The following NMRK1 variants were observed in gnomAD, a reference collection of about 807,000 sequenced individuals.
NMRK1 encodes the protein nicotinamide riboside kinase 1.
In NMRK1, 28 loss-of-function variants were observed where a neutral mutation model predicts 29.9. That is an observed-to-expected ratio of 0.94 (90% CI 0.69 to 1.28). The LOEUF (loss-of-function observed/expected upper bound fraction) is 1.28, where lower values mean the gene tolerates loss of function less well. NMRK1 is among the 50% of genes most tolerant of loss of function. The pLI, the probability that NMRK1 is intolerant of heterozygous loss-of-function variation, is 0.00. For missense variants in NMRK1, 218 were observed against 233.1 expected (o/e 0.94, Z 0.42); for synonymous variants, 58 against 73.0 (o/e 0.79, Z 1.05).
chr9:75,070,345 C>T (rs1390970536), intron 4 of NMRK1, among the ~76,000 whole-genome samples: 1 of 152,134 alleles, frequency 6.6e-6, no homozygotes, highest in African/African-American at 2.4e-5. Context: ...TTACTTATAA[C>T]TTCGATTCTC....
At chr9:75,073,345 C>T (rs969143812) in intron 4 of NMRK1, among the ~76,000 whole-genome samples, 2 of 152,198 alleles carry the variant, frequency 1.3e-5, no homozygotes, top group African/African-American at 4.8e-5. Context: ...GACTTCTGGC[C>T]TCTTGAATTG....
At chr9:75,077,908 C>T (rs1344742400) in intron 2 of NMRK1, among the ~76,000 whole-genome samples, 1 of 152,092 alleles carries the variant, frequency 6.6e-6, no homozygotes, top group Non-Finnish European at 1.5e-5. Context: ...AGTGCTTGGA[C>T]GTGAGCCACC....
At chr9:75,081,441 T>G (rs77684848) in intron 2 of NMRK1, among the ~76,000 whole-genome samples, 18,758 of 152,028 alleles carry the variant, frequency 0.12, 1,177 homozygotes, top group South Asian at 0.17. Flanking sequence ...AAGAAAAAAA[T>G]TAGAAATCAT....
At chr9:75,067,021 G>A (rs1823394232) in intron 7 of NMRK1, 181 bp from the exon 8 acceptor site, 2 of 469,860 alleles carry the variant, frequency 4.3e-6, no homozygotes, top group African/African-American at 4.1e-5. Context: ...GCTATAATAG[G>A]TCAAAAATAT....
intron 4 of NMRK1, among the ~76,000 whole-genome samples, chr9:75,073,413 A>G (rs1199642941): frequency 6.6e-6 from 1 of 152,178 alleles, no homozygotes; most frequent in East Asian, 1.9e-4. Flanking sequence ...ATGTTGCCCT[A>G]GCAAACTAAT....
chr9:75,070,090 T>C (rs1823614840), intron 4 of NMRK1, 48 bp from the exon 5 acceptor site: 3 of 1,539,152 alleles, frequency 1.9e-6, no homozygotes, highest in African/African-American at 2.8e-5. Flanking sequence ...CACAAAATTT[T>C]GTGATGTGAC....
intron 8 of NMRK1, 152 bp downstream of exon 8, chr9:75,066,605 G>A (rs1432255460): frequency 7.6e-6 from 5 of 661,146 alleles, no homozygotes; most frequent in East Asian, 5.5e-5. Context: ...CCCCCCCCCA[G>A]AATTTCTGAT....
intron 1 of NMRK1, among the ~76,000 whole-genome samples, chr9:75,086,786 C>T (rs77991285): frequency 0.094 from 14,370 of 152,214 alleles, 752 homozygotes; most frequent in South Asian, 0.17. Context: ...GTTTCCAGGA[C>T]TTCTTACTCT....
chr9:75,074,905 TG>T (rs1286650116), intron 4 of NMRK1, among the ~76,000 whole-genome samples: 3 of 152,246 alleles, frequency 2.0e-5, no homozygotes, highest in African/African-American at 4.8e-5. Context: ...TGATGTGAGA[TG>T]CTTGAAGTCA....
At chr9:75,069,250 C>T (rs1046909156) in intron 6 of NMRK1, 148 bp from the exon 7 acceptor site, 20 of 568,480 alleles carry the variant, frequency 3.5e-5, no homozygotes, top group Non-Finnish European at 6.0e-5. Flanking sequence ...AACTCAATGG[C>T]AGTTAGAACG....
chr9:75,065,259 C>A lies in NMRK1; in HGVS notation c.580+1498G>T, dbSNP rs2002989. On this transcript the variant is annotated intron_variant, in intron 8 of 8. Transcript: ENST00000361092. ...ATCTTAGCTCACTGCAATGTCTGCCCCCGGAGTTCAAGAGATTCCCCTGCC... is the reference window on the plus strand; with the variant it reads ...ATCTTAGCTCACTGCAATGTCTGCCACCGGAGTTCAAGAGATTCCCCTGCC... Among the ~76,000 whole-genome samples the A allele has an allele frequency of 2.6e-5, 4 of 152,054 alleles. No individual in the cohort carries two copies. The East Asian group carries it at 5.8e-4, about 22-fold the overall frequency.
chr9:75,072,952 G>A (rs1195358749), intron 4 of NMRK1, among the ~76,000 whole-genome samples: 1 of 152,168 alleles, frequency 6.6e-6, no homozygotes, highest in Non-Finnish European at 1.5e-5. Flanking sequence ...GTTCAAATCT[G>A]TTATATCATT....
intron 7 of NMRK1, 28 bp downstream of exon 7, chr9:75,068,968 C>T (rs756698333): frequency 1.3e-6 from 2 of 1,498,448 alleles, no homozygotes; most frequent in Non-Finnish European, 1.9e-6. Context: ...AGTAAAAGGC[C>T]TTGAACAGAA....
chr9:75,074,756 T>C (rs577101823), intron 4 of NMRK1, among the ~76,000 whole-genome samples: 562 of 152,368 alleles, frequency 3.7e-3, no homozygotes, highest in Non-Finnish European at 5.7e-3. Context: ...TGAAAATGAA[T>C]TATTTCCTCT....
chr9:75,074,040 T>A (rs986062147), intron 4 of NMRK1, among the ~76,000 whole-genome samples: 1 of 152,124 alleles, frequency 6.6e-6, no homozygotes, highest in African/African-American at 2.4e-5. Context: ...TATTTCTATG[T>A]CCTTATACAT....
chr9:75,079,514 C>A (rs1217064545), intron 2 of NMRK1, among the ~76,000 whole-genome samples: 1 of 152,206 alleles, frequency 6.6e-6, no homozygotes, highest in Non-Finnish European at 1.5e-5. Context: ...TCCTTTCTCA[C>A]TGACTTAGCT....
intron 4 of NMRK1, among the ~76,000 whole-genome samples, chr9:75,074,573 G>C (rs1823886003): frequency 2.6e-5 from 4 of 152,028 alleles, no homozygotes; most frequent in Admixed American, 2.6e-4. Context: ...TTTTTGTAGA[G>C]ACAGGGTTTT....
intron 7 of NMRK1, 176 bp from the exon 8 acceptor site, chr9:75,067,016 A>G: frequency 2.0e-6 from 1 of 488,916 alleles, no homozygotes; most frequent in Non-Finnish European, 3.6e-6. Context: ...AGCCAGCTAT[A>G]ATAGGTCAAA....
At chr9:75,081,168 C>T (rs550652538) in intron 2 of NMRK1, among the ~76,000 whole-genome samples, 5 of 152,232 alleles carry the variant, frequency 3.3e-5, no homozygotes, top group East Asian at 3.9e-4. Context: ...AGTAATTATT[C>T]GATTGAGGCT....
Sources: allele counts gnomAD v4.1 joint callset (sites outside exome capture counted in the v4.1 genomes callset), GRCh38; gene constraint gnomAD v4.1.1; transcripts MANE v1.5; gene names NCBI Gene and HGNC (gene_info 2026-07-23, HGNC 2026-07-21).